The following PLB1 variants were observed in gnomAD, a reference collection of about 807,000 sequenced individuals.
The protein encoded by PLB1 is phospholipase B1, membrane-associated.
A neutral mutation model predicts 227.4 loss-of-function variants in PLB1; 242 were observed. The ratio of observed to expected loss-of-function variants is 1.06; its 90% CI spans 0.96 to 1.18. The LOEUF (loss-of-function observed/expected upper bound fraction) is 1.18, where lower values mean the gene tolerates loss of function less well. Among genes scored for constraint, PLB1 ranks in the 50% most tolerant of loss-of-function variants. The pLI, the probability that PLB1 is intolerant of heterozygous loss-of-function variation, is 0.00. For missense variants in PLB1, 1,858 were observed against 1,816.3 expected, an observed-to-expected ratio of 1.02 and a Z score of -0.42; for synonymous variants, 757 against 682.2, an observed-to-expected ratio of 1.11 and a Z score of -1.71.
intron 44 of PLB1, among the ~76,000 whole-genome samples, chr2:28,616,471 A>G (rs1480226367): frequency 6.6e-6 from 1 of 152,262 alleles, no homozygotes; most frequent in Admixed American, 6.5e-5. Flanking sequence ...CTGCTGAATC[A>G]GAATCTGCAG....
chr2:28,613,958 G>A, intron 43 of PLB1, 73 bp from the exon 44 acceptor site: 1 of 1,198,440 alleles, frequency 8.3e-7, no homozygotes, highest in Non-Finnish European at 1.2e-6. Context: ...GGGCAGGATT[G>A]TTAGTTTTTC....
intron 9 of PLB1, among the ~76,000 whole-genome samples, chr2:28,537,263 G>A (rs1005727522): frequency 1.2e-4 from 18 of 152,296 alleles, no homozygotes; most frequent in African/African-American, 2.9e-4. Flanking sequence ...TGTCCCCTCC[G>A]GGAAACAGAA....
chr2:28,548,618 TC>T, intron 14 of PLB1: 1 of 596,714 alleles, frequency 1.7e-6, no homozygotes, highest in Non-Finnish European at 3.2e-6. Context: ...ATGCTGCTTC[TC>T]ATGCTGTGGT....
chr2:28,558,622 G>C (rs935321757), intron 17 of PLB1, among the ~76,000 whole-genome samples: 1 of 152,166 alleles, frequency 6.6e-6, no homozygotes, highest in Admixed American at 6.5e-5. Flanking sequence ...GCTGGGAAGA[G>C]CCAAGCAGGC....
intron 34 of PLB1, 87 bp downstream of exon 34, chr2:28,598,135 C>T: frequency 1.8e-6 from 2 of 1,110,638 alleles, no homozygotes; most frequent in East Asian, 2.4e-5. Flanking sequence ...AGGTAAGCAG[C>T]AAATGACATC....
At chr2:28,590,563 T>G (rs1243295518) in intron 29 of PLB1, among the ~76,000 whole-genome samples, 5 of 152,042 alleles carry the variant, frequency 3.3e-5, no homozygotes, top group Non-Finnish European at 7.4e-5. Context: ...GAAGCCCCCA[T>G]TTTTACTCAC....
chr2:28,542,215 A>C (rs957265513), intron 13 of PLB1, among the ~76,000 whole-genome samples: 2 of 151,610 alleles, frequency 1.3e-5, no homozygotes, highest in Admixed American at 6.6e-5. Flanking sequence ...CTTCCACCTT[A>C]CCCCAATAAG....
rs752969514 is a variant in PLB1, at chr2:28,530,008, A to C, written c.468+229A>C. Among the ~76,000 whole-genome samples the C allele has an allele frequency of 2.6e-5, 4 of 152,082 alleles. No individual in the cohort carries two copies. In the East Asian group the frequency reaches 7.7e-4, roughly 29 times the overall value. On this transcript the variant is annotated intron_variant, in intron 8 of 57. Transcript: ENST00000327757. ...TTATTTATTTATTTATTTTGAGACC[A>C]GTTATGAGACTGGCTAATTTTTATA...
At chr2:28,508,517 A>ACATGCAGCACCTGCTCACAGGTC (rs1399868377) in intron 1 of PLB1, among the ~76,000 whole-genome samples, 3 of 152,204 alleles carry the variant, frequency 2.0e-5, no homozygotes, top group African/African-American at 7.2e-5. Flanking sequence ...ACAGCTAGTC[A>ACATGCAGCACCTGCTCACAGGTC]CATGCAGCAC....
intron 26 of PLB1, among the ~76,000 whole-genome samples, chr2:28,587,426 G>T (rs1389222853): frequency 1.3e-5 from 2 of 152,072 alleles, no homozygotes; most frequent in Non-Finnish European, 2.9e-5. Context: ...GACCAGCCTG[G>T]CCAACATAGT....
chr2:28,501,371 ATATCC>A (rs1667081210), intron 1 of PLB1, among the ~76,000 whole-genome samples: 1 of 152,218 alleles, frequency 6.6e-6, no homozygotes, highest in Non-Finnish European at 1.5e-5. Context: ...CCTTTAGAAT[ATATCC>A]CACTCAGGGT....
chr2:28,630,727 G>A, intron 54 of PLB1, 63 bp downstream of exon 54: 1 of 1,389,548 alleles, frequency 7.2e-7, no homozygotes, highest in East Asian at 2.4e-5. Flanking sequence ...CCAAGGACTG[G>A]GAAATCGAAT....
At chr2:28,592,342 C>T (rs1682100953) in intron 31 of PLB1, among the ~76,000 whole-genome samples, 1 of 152,158 alleles carries the variant, frequency 6.6e-6, no homozygotes, top group African/African-American at 2.4e-5. Context: ...CTAAAATGAG[C>T]TCCTACTCTG....
chr2:28,573,238 G>C lies in PLB1; in HGVS notation c.1366G>C (p.Val456Leu), dbSNP rs762532932. The C allele has an allele frequency of 1.2e-6, 2 of 1,614,170 alleles. No homozygotes were observed. The highest frequency in any genetic ancestry group is 1.7e-6 in the Non-Finnish European group (2 of 1,180,028). ...EFNPSLKGFS[V>L]GTGKETSPNA... Reference sequence around the variant, plus strand: ...CAACCCTTCCCTGAAGGGCTTCTCTGTTGGCACTGGGAAAGAAACCAGTCC... The same window carrying C: ...CAACCCTTCCCTGAAGGGCTTCTCTCTTGGCACTGGGAAAGAAACCAGTCC... Residue 456 changes from valine (V) to leucine (L), a missense_variant, in exon 21 of 58, where the codon GTT becomes CTT. Coordinates refer to ENST00000327757, the MANE Select transcript of PLB1 (RefSeq NM_153021.5).
chr2:28,544,977 C>T (rs1464363874), intron 14 of PLB1, among the ~76,000 whole-genome samples: 1 of 152,138 alleles, frequency 6.6e-6, no homozygotes, highest in East Asian at 1.9e-4. Context: ...GCTATTTGTC[C>T]TTGATATTGG....
chr2:28,599,601 A>G (rs1314703475), intron 35 of PLB1, among the ~76,000 whole-genome samples: 1 of 152,142 alleles, frequency 6.6e-6, no homozygotes, highest in Admixed American at 6.5e-5. Flanking sequence ...CCTGAAATCT[A>G]TTCCTTCCAT....
At chr2:28,565,732 C>G (rs1319789551) in intron 19 of PLB1, among the ~76,000 whole-genome samples, 4 of 152,166 alleles carry the variant, frequency 2.6e-5, no homozygotes, top group Admixed American at 6.5e-5. Flanking sequence ...TTGGATGTAA[C>G]CTTGGGCAAG....
At chr2:28,582,171 T>G in intron 24 of PLB1, 38 bp downstream of exon 24, 1 of 1,592,874 alleles carries the variant, frequency 6.3e-7, no homozygotes, top group Non-Finnish European at 8.6e-7. Context: ...ATCTTAGACC[T>G]CAGACCTAGC....
intron 21 of PLB1, among the ~76,000 whole-genome samples, chr2:28,577,480 T>A (rs974747905): frequency 6.6e-6 from 1 of 152,218 alleles, no homozygotes; most frequent in African/African-American, 2.4e-5. Context: ...AGGCAAAACT[T>A]CTGTTTGCCC....
Sources: allele counts gnomAD v4.1 joint callset (sites outside exome capture counted in the v4.1 genomes callset), GRCh38; gene constraint gnomAD v4.1.1; transcripts MANE v1.5; gene names NCBI Gene and HGNC (gene_info 2026-07-23, HGNC 2026-07-21).